The following LRP1 variants were observed in gnomAD, a reference collection of about 807,000 sequenced individuals.
LRP1 encodes the protein LDL receptor related protein 1.
Under a neutral mutation model 541.5 loss-of-function variants are expected in LRP1, and 51 were observed. The observed-to-expected ratio is 0.09, with a 90% CI of 0.08 to 0.12. The LOEUF is 0.12. Ranked by LOEUF, LRP1 falls within the 10% of genes least tolerant of loss-of-function variation. LRP1 has a pLI of 1.00. For missense variants in LRP1, 3,878 were observed against 6,376.2 expected (o/e 0.61, Z 13.34); for synonymous variants, 2,219 against 2,470.8 (o/e 0.90, Z 3.02).
chr12:57,207,754 CACTGTGT>C (rs1479135740), intron 76 of LRP1, among the ~76,000 whole-genome samples: 1 of 152,240 alleles, frequency 6.6e-6, no homozygotes, highest in African/African-American at 2.4e-5. Context: ...TGCCACTTCC[CACTGTGT>C]ACGTCTTAGC....
At chr12:57,145,709 T>C (rs912727495) in intron 6 of LRP1, among the ~76,000 whole-genome samples, 4 of 152,132 alleles carry the variant, frequency 2.6e-5, no homozygotes, top group African/African-American at 9.7e-5. Context: ...GCCCCTGCAT[T>C]TCTGGCCAAG....
chr12:57,167,543 C>A lies in LRP1; in HGVS notation c.2995+19C>A. On this transcript the variant is annotated intron_variant, in intron 19 of 88. Coordinates refer to ENST00000243077, the MANE Select transcript of LRP1 (RefSeq NM_002332.3). Reference sequence around the variant, plus strand: ...GACAATGGTAAGAGCTTGCTCTCCTCACCTGCTGATTCCTAAGACAGCTAG... The same window carrying A: ...GACAATGGTAAGAGCTTGCTCTCCTAACCTGCTGATTCCTAAGACAGCTAG... 6.2e-7 allele frequency: 1 copy of A among 1,602,298 alleles called. No individual in the cohort carries two copies. Among genetic ancestry groups the A allele is most frequent in the Non-Finnish European group, 8.6e-7 (1 of 1,169,304 alleles).
chr12:57,190,780 T>G, intron 42 of LRP1, 25 bp from the exon 43 acceptor site: 1 of 1,608,678 alleles, frequency 6.2e-7, no homozygotes, highest in Non-Finnish European at 8.5e-7. Flanking sequence ...CTTTGCCTCC[T>G]GATCTCTGGA....
chr12:57,202,335 T>C, intron 67 of LRP1, 86 bp from the exon 68 acceptor site: 1 of 1,100,974 alleles, frequency 9.1e-7, no homozygotes, highest in Non-Finnish European at 1.4e-6. Flanking sequence ...CCACCCTCCC[T>C]GCCAGGCCAG....
rs2035481241 is a variant in LRP1, at chr12:57,149,364, C to T, written c.841+3874C>T. 1.6e-5 allele frequency: 8 copies of T among 514,196 alleles called. No homozygotes were observed. In the East Asian group the frequency reaches 2.6e-4, roughly 17 times the overall value. 31.9% of individuals were successfully genotyped at this position (514,196 alleles called of 1,614,324 possible). A position where few individuals can be genotyped will look rare whatever the true frequency, so the allele number is the denominator to read the frequency against. On this transcript the variant is annotated intron_variant, in intron 6 of 88. Transcript: ENST00000243077. ...AACAGCTCACTCTTGCTCCTCCTCT[C>T]TCCTGGCCCGGGCCAGCCCTGTGTC...
chr12:57,210,258 C>T (rs1412755136), intron 81 of LRP1, 49 bp from the exon 82 acceptor site: 1 of 1,548,410 alleles, frequency 6.5e-7, no homozygotes, highest in Non-Finnish European at 8.7e-7. Flanking sequence ...TTGCCTGTCC[C>T]TCTCCTCCTA....
chr12:57,178,822 G>A lies in LRP1; in HGVS notation c.4607-68G>A. 6.4e-7 allele frequency: 1 copy of A among 1,558,372 alleles called. No homozygotes were observed. Among genetic ancestry groups the A allele is most frequent in the Non-Finnish European group, 8.6e-7 (1 of 1,156,222 alleles). ...GGGGAGGAGAGTGGGCGAGGAAGGG[G>A]TGGTCCATGTAGGGAGCAGCAAGTC... On this transcript the variant is annotated intron_variant, in intron 27 of 88. Transcript: ENST00000243077. This position sits in a 1 kb window ranked among gnomAD's most constrained non-coding sequence, Gnocchi z 5.8.
chr12:57,212,223 G>A lies in LRP1; in HGVS notation c.13456G>A (p.Gly4486Ser), dbSNP rs2036934064. 8 of 1,613,792 alleles carry A rather than the reference G, an allele frequency of 5.0e-6. No individual in the cohort carries two copies. The highest frequency in any genetic ancestry group is 5.9e-6 in the Non-Finnish European group (7 of 1,180,016). Residue 4486 changes from glycine to serine, a missense_variant, in exon 88 of 89, where the codon GGC (glycine) becomes AGC (serine). Physicochemically the swap from Gly to Ser is moderately conservative, Grantham distance 56. Transcript: ENST00000243077. The surrounding 1 kb of genome is among the most constrained non-coding windows in gnomAD (Gnocchi z 5.0). Reference sequence around the variant, plus strand: ...AGGCGGAGAGCCTGATGATGTGGGAGGCCTACTGGACGCTGACTTTGCCCT... The same window carrying A: ...AGGCGGAGAGCCTGATGATGTGGGAAGCCTACTGGACGCTGACTTTGCCCT... ...YEGGEPDDVG[G>S]LLDADFALDP...
At chr12:57,140,756 C>G (rs1173815908) in intron 2 of LRP1, among the ~76,000 whole-genome samples, 1 of 152,112 alleles carries the variant, frequency 6.6e-6, no homozygotes, top group Admixed American at 6.5e-5. Context: ...TGTTTTGAGA[C>G]AGATCTCGCT....
At chr12:57,192,167 C>G (rs1329806349) in intron 44 of LRP1, among the ~76,000 whole-genome samples, 2 of 151,880 alleles carry the variant, frequency 1.3e-5, no homozygotes, top group Non-Finnish European at 2.9e-5. Flanking sequence ...ACACCCCACA[C>G]ACACTTGCCT....
chr12:57,136,406 C>T (rs917075058), intron 1 of LRP1, among the ~76,000 whole-genome samples: 2 of 147,838 alleles, frequency 1.4e-5, no homozygotes, highest in Non-Finnish European at 3.0e-5. Context: ...CCCCCCCCCC[C>T]CGCCATTTTC....
intron 34 of LRP1, 121 bp downstream of exon 34, chr12:57,181,412 C>T (rs1177096793): frequency 8.0e-7 from 1 of 1,252,814 alleles, no homozygotes; most frequent in Non-Finnish European, 1.1e-6. Flanking sequence ...GTGTAGGGGA[C>T]ACTGGACTAT....
At chr12:57,129,144 C>T (rs1444995785) in intron 1 of LRP1, 113 bp downstream of exon 1, 1 of 1,160,050 alleles carries the variant, frequency 8.6e-7, no homozygotes, top group South Asian at 1.3e-5. Context: ...TTTGTTATCC[C>T]AGTCCAGCTG....
intron 20 of LRP1, among the ~76,000 whole-genome samples, chr12:57,170,740 C>T (rs1464886395): frequency 6.6e-6 from 1 of 152,062 alleles, no homozygotes; most frequent in Non-Finnish European, 1.5e-5. Flanking sequence ...AGGTTGAGCC[C>T]AGGAGGTTGA....
Position 57,180,160 on chromosome 12 carries a change from A to C in LRP1, c.5236+19A>C, listed in dbSNP as rs1474733024. On this transcript the variant is annotated intron_variant, in intron 31 of 88. Transcript: ENST00000243077. The stretch of plus-strand genomic sequence containing the variant: ...CCCGTGGGTACGAGCTTCCCTGCCC[A>C]CCCCCACAGCCCCTCCCTAATTCCT... The C allele has an allele frequency of 6.2e-7, 1 of 1,606,998 alleles. No individual in the cohort carries two copies. Among genetic ancestry groups the C allele is most frequent in the Non-Finnish European group, 8.5e-7 (1 of 1,174,722 alleles).
Position 57,205,043 on chromosome 12 carries a change from T to C in LRP1, c.11195-66T>C. ...AGGAATTGGGAGCCACTGTTATCTA[T>C]GGGGTTGCCGTGGGAGGAGGAGGCA... On this transcript the variant is annotated intron_variant, in intron 72 of 88. Coordinates refer to ENST00000243077, the MANE Select transcript of LRP1 (RefSeq NM_002332.3). This position sits in a 1 kb window ranked among gnomAD's most constrained non-coding sequence, Gnocchi z 4.6. The C allele has an allele frequency of 6.5e-7, 1 of 1,546,854 alleles. No individual in the cohort carries two copies. The highest frequency in any genetic ancestry group is 2.3e-5 in the East Asian group (1 of 44,186).
At chr12:57,194,237 C>G (rs931661314) in intron 48 of LRP1, 117 bp from the exon 49 acceptor site, 204 of 1,222,500 alleles carry the variant, frequency 1.7e-4, no homozygotes, top group Non-Finnish European at 2.2e-4. Context: ...AGTGCCCCAC[C>G]AGAAGGGCAC....
At chr12:57,188,050 G>T (rs2036302920) in intron 42 of LRP1, among the ~76,000 whole-genome samples, 1 of 152,234 alleles carries the variant, frequency 6.6e-6, no homozygotes, top group South Asian at 2.1e-4. Context: ...GACAGAGGGG[G>T]ACCTCTGCAT....
chr12:57,177,910 C>T lies in LRP1; in HGVS notation c.4361+319C>T, dbSNP rs1210704289. 3.3e-5 allele frequency among the ~76,000 whole-genome samples: 5 copies of T among 150,068 alleles called. No homozygotes were observed. In the South Asian group the frequency reaches 1.1e-3, roughly 32 times the overall value. On this transcript the variant is annotated intron_variant, in intron 26 of 88. Coordinates refer to ENST00000243077, the MANE Select transcript of LRP1 (RefSeq NM_002332.3). This position sits in a 1 kb window ranked among gnomAD's most constrained non-coding sequence, Gnocchi z 6.8. The stretch of plus-strand genomic sequence containing the variant: ...GCCCAGAGGGAGGGGAAACTTCTTT[C>T]TAATTGGTCTGCCCAGGGAGGGTGC...
Sources: gnomAD v4.1 joint callset for allele counts (sites outside exome capture counted in the v4.1 genomes callset) on GRCh38, gnomAD v4.1.1 for gene constraint, Gnocchi (gnomAD v3.1) non-coding constraint, MANE v1.5 for transcripts, NCBI Gene and HGNC (gene_info 2026-07-23, HGNC 2026-07-21) for gene names.